MRAS: variants seen among roughly 807,000 people sequenced by gnomAD.
MRAS encodes muscle RAS oncogene homolog.
A neutral mutation model predicts 20.9 loss-of-function variants in MRAS; 4 were observed. The observed-to-expected ratio is 0.19, with a 90% CI of 0.09 to 0.44. The LOEUF is 0.44. Among genes scored for constraint, MRAS ranks in the 20% least tolerant of loss-of-function variants. The pLI is 0.99. For missense variants in MRAS, 154 were observed against 277.5 expected (o/e 0.56, Z 3.16); for synonymous variants, 98 against 102.9 (o/e 0.95, Z 0.29).
At chr3:138,369,570 C>T (rs138845447) in intron 1 of MRAS, among the ~76,000 whole-genome samples, 14 of 152,264 alleles carry the variant, frequency 9.2e-5, no homozygotes, top group African/African-American at 3.1e-4. Flanking sequence ...GGACTTTCCT[C>T]CTCAGCATTG....
intron 3 of MRAS, 64 bp from the exon 4 acceptor site, chr3:138,398,405 C>T: frequency 7.2e-7 from 1 of 1,380,528 alleles, no homozygotes. Context: ...TGTGAATGTG[C>T]CACCTTAACC....
At position 138,397,464 on chromosome 3, in the gene MRAS, C is replaced by G; in HGVS notation, c.334C>G (p.Arg112Gly). The G allele has an allele frequency of 6.2e-7, 1 of 1,614,074 alleles. No individual in the cohort carries two copies. The highest frequency in any genetic ancestry group is 8.5e-7 in the Non-Finnish European group (1 of 1,179,952). ...GGACCGCTTCCACCAGCTTATCCTG[C>G]GCGTCAAAGACAGGTGAGCATCAAA... Reference protein sequence around the residue: ...HVDRFHQLILRVKDRESFPMI... With the variant: ...HVDRFHQLILGVKDRESFPMI... The change falls in exon 3 of 6, where the codon CGC (arginine) becomes GGC (glycine). Residue 112 changes from arginine to glycine, a missense_variant. Transcript: ENST00000423968.
At chr3:138,367,342 G>A (rs926308756) in intron 1 of MRAS, among the ~76,000 whole-genome samples, 1 of 152,140 alleles carries the variant, frequency 6.6e-6, no homozygotes, top group African/African-American at 2.4e-5. Context: ...TAAGAAACTT[G>A]CCCCAGGTCA....
At chr3:138,356,110 T>C (rs2054328160) in intron 1 of MRAS, among the ~76,000 whole-genome samples, 1 of 152,240 alleles carries the variant, frequency 6.6e-6, no homozygotes, top group South Asian at 2.1e-4. Flanking sequence ...CCAGTGCCTA[T>C]GAGATTATGT....
At chr3:138,371,179 A>G (rs1222991613) in intron 1 of MRAS, among the ~76,000 whole-genome samples, 1 of 152,188 alleles carries the variant, frequency 6.6e-6, no homozygotes, top group African/African-American at 2.4e-5. Flanking sequence ...GCAGATTTGC[A>G]CTTTCTCTGC....
intron 2 of MRAS, among the ~76,000 whole-genome samples, chr3:138,396,104 G>C (rs7642400): frequency 0.59 from 90,098 of 152,036 alleles, 27,745 homozygotes; most frequent in East Asian, 0.74. Context: ...AGAAGGGGAG[G>C]GAAGGGGGAG....
upstream of MRAS, chr3:138,347,772 T>C (rs887580463): frequency 1.3e-5 from 2 of 152,130 alleles, no homozygotes; most frequent in Non-Finnish European, 2.9e-5. Flanking sequence ...TTTGTATTTT[T>C]AGTAGAGACG....
At chr3:138,368,854 G>A (rs1431804027) in intron 1 of MRAS, among the ~76,000 whole-genome samples, 1 of 152,106 alleles carries the variant, frequency 6.6e-6, no homozygotes, top group African/African-American at 2.4e-5. Flanking sequence ...ATCTCTTGGC[G>A]TCTTGACCTC....
chr3:138,371,903 C>T (rs1449078767), intron 1 of MRAS, among the ~76,000 whole-genome samples: 1 of 152,136 alleles, frequency 6.6e-6, no homozygotes, highest in Non-Finnish European at 1.5e-5. Flanking sequence ...TCCTGCCTCT[C>T]CTCCTTGTCA....
intron 2 of MRAS, among the ~76,000 whole-genome samples, chr3:138,390,851 T>C (rs1222524802): frequency 6.6e-6 from 1 of 152,286 alleles, no homozygotes; most frequent in Non-Finnish European, 1.5e-5. Flanking sequence ...TTAGGTTTTA[T>C]ATGTTTTCTG....
chr3:138,401,584 A>G (rs1203029345), intron 5 of MRAS, among the ~76,000 whole-genome samples: 1 of 152,202 alleles, frequency 6.6e-6, no homozygotes, highest in Admixed American at 6.5e-5. Context: ...TGAGGCTAGG[A>G]GTTCAAGACC....
rs376989664 is a variant in MRAS at position 138,400,628 on chromosome 3, C to T, written c.527+15C>T. 23 of 1,600,836 alleles carry T rather than the reference C, an allele frequency of 1.4e-5. No individual in the cohort carries two copies. Among genetic ancestry groups the T allele is most frequent in the Non-Finnish European group, 1.9e-5 (22 of 1,168,124 alleles). On this transcript the variant is annotated intron_variant, in intron 5 of 5. Coordinates refer to ENST00000423968, the MANE Select transcript of MRAS (RefSeq NM_001085049.3). Reference sequence around the variant, plus strand: ...AGAGTAATTAGGTGAGCACTGCCCTCTCCCTAGAAGCGGGCCTCCACAGCA... The same window carrying T: ...AGAGTAATTAGGTGAGCACTGCCCTTTCCCTAGAAGCGGGCCTCCACAGCA...
intron 1 of MRAS, among the ~76,000 whole-genome samples, chr3:138,359,196 G>A (rs2054396333): frequency 1.3e-5 from 2 of 152,148 alleles, no homozygotes; most frequent in East Asian, 3.8e-4. Flanking sequence ...GGAGGGAGAT[G>A]TGAAAAGTAG....
At chr3:138,394,104 A>G (rs1348268542) in intron 2 of MRAS, among the ~76,000 whole-genome samples, 5 of 151,666 alleles carry the variant, frequency 3.3e-5, no homozygotes, top group South Asian at 4.2e-4. Context: ...TTTCTAAGAA[A>G]AAAAAAAGCT....
At chr3:138,360,457 G>A (rs915068836) in intron 1 of MRAS, among the ~76,000 whole-genome samples, 2 of 152,214 alleles carry the variant, frequency 1.3e-5, no homozygotes, top group Non-Finnish European at 2.9e-5. Flanking sequence ...GCTGGGTGTG[G>A]CATCCCCAGC....
intron 1 of MRAS, among the ~76,000 whole-genome samples, chr3:138,356,728 C>A (rs2054342190): frequency 1.3e-5 from 2 of 152,240 alleles, no homozygotes; most frequent in Non-Finnish European, 2.9e-5. Flanking sequence ...TCCCTCTCCA[C>A]CCACATTCCT....
intron 2 of MRAS, among the ~76,000 whole-genome samples, chr3:138,383,716 T>C (rs1481190679): frequency 6.6e-6 from 1 of 152,252 alleles, no homozygotes; most frequent in Non-Finnish European, 1.5e-5. Context: ...TAATTGCTAA[T>C]GTACCCATCT....
chr3:138,372,093 G>A (rs548867044), intron 1 of MRAS, among the ~76,000 whole-genome samples: 5 of 152,152 alleles, frequency 3.3e-5, no homozygotes, highest in African/African-American at 1.2e-4. Flanking sequence ...CCTGCGCATT[G>A]TACAATCCCT....
intron 1 of MRAS, among the ~76,000 whole-genome samples, chr3:138,352,689 G>A (rs1041621557): frequency 1.3e-5 from 2 of 152,078 alleles, no homozygotes; most frequent in Non-Finnish European, 2.9e-5. Context: ...AGGCTACCTT[G>A]ACGGATAAAA....
Sources: allele counts gnomAD v4.1 joint callset (sites outside exome capture counted in the v4.1 genomes callset), GRCh38; gene constraint gnomAD v4.1.1; transcripts MANE v1.5; gene names NCBI Gene and HGNC (gene_info 2026-07-23, HGNC 2026-07-21).